Variants in LCA5 observed in about 807,000 individuals in gnomAD.
LCA5 encodes lebercilin.
LCA5 carries 37 observed loss-of-function variants against 53.0 expected under a neutral mutation model. That is an observed-to-expected ratio of 0.70 (90% CI 0.54 to 0.92). LCA5 has a LOEUF of 0.92. Among genes scored for constraint, LCA5 ranks in the 40% least tolerant of loss-of-function variants. The pLI, the probability that LCA5 is intolerant of heterozygous loss-of-function variation, is 0.00. For missense variants in LCA5, 806 were observed against 790.5 expected, an observed-to-expected ratio of 1.02 and a Z score of -0.23; for synonymous variants, 303 against 282.9, an observed-to-expected ratio of 1.07 and a Z score of -0.71.
At chr6:79,526,298 T>A (rs1388837126) in intron 1 of LCA5, among the ~76,000 whole-genome samples, 1 of 152,026 alleles carries the variant, frequency 6.6e-6, no homozygotes, top group Non-Finnish European at 1.5e-5. Flanking sequence ...AATCTCAGCA[T>A]TTTGGGAGGC....
intron 3 of LCA5, among the ~76,000 whole-genome samples, chr6:79,499,315 T>TA (rs1770068019): frequency 6.6e-6 from 1 of 152,020 alleles, no homozygotes; most frequent in Non-Finnish European, 1.5e-5. Context: ...AAAAAGCTTC[T>TA]AAAATATGTT....
chr6:79,494,839 C>T (rs552681947), intron 3 of LCA5, among the ~76,000 whole-genome samples: 7 of 152,280 alleles, frequency 4.6e-5, no homozygotes, highest in African/African-American at 1.4e-4. Flanking sequence ...TGTATTATTT[C>T]CTCAGGGTAA....
chr6:79,526,533 G>C (rs1038072486), intron 1 of LCA5, among the ~76,000 whole-genome samples: 5 of 152,120 alleles, frequency 3.3e-5, no homozygotes, highest in African/African-American at 1.2e-4. Context: ...GACAGAGCGA[G>C]ACACCGTCTC....
At chr6:79,518,547 ATATACT>A (rs1333059181) in intron 2 of LCA5, among the ~76,000 whole-genome samples, 152 bp downstream of exon 2, 98 of 152,298 alleles carry the variant, frequency 6.4e-4, no homozygotes, top group African/African-American at 2.1e-3. Flanking sequence ...CAACATTTAT[ATATACT>A]TATAAGTATA....
At chr6:79,526,351 T>C (rs1027544684) in intron 1 of LCA5, among the ~76,000 whole-genome samples, 4 of 152,114 alleles carry the variant, frequency 2.6e-5, no homozygotes, top group Non-Finnish European at 5.9e-5. Context: ...GAGACCATCC[T>C]GGCTAACACG....
chr6:79,500,127 T>C (rs1034550123), intron 3 of LCA5, among the ~76,000 whole-genome samples: 9 of 152,104 alleles, frequency 5.9e-5, no homozygotes, highest in Non-Finnish European at 1.3e-4. Flanking sequence ...TCCAAGTCTT[T>C]GCTATTGTGA....
At chr6:79,529,929 G>A (rs1766906763) in intron 1 of LCA5, among the ~76,000 whole-genome samples, 1 of 142,726 alleles carries the variant, frequency 7.0e-6, no homozygotes, top group African/African-American at 2.6e-5. Flanking sequence ...ACACAGGAAG[G>A]GGAACATCAC....
chr6:79,510,712 T>C (rs1770388736), intron 3 of LCA5, among the ~76,000 whole-genome samples: 1 of 152,074 alleles, frequency 6.6e-6, no homozygotes. Context: ...TGTATCTGGA[T>C]TATAATAAAG....
intron 3 of LCA5, among the ~76,000 whole-genome samples, chr6:79,509,056 C>A (rs1439620507): frequency 1.3e-5 from 2 of 152,088 alleles, no homozygotes; most frequent in African/African-American, 2.4e-5. Context: ...AAGTAGAGAA[C>A]AATTACCCTC....
intron 3 of LCA5, among the ~76,000 whole-genome samples, chr6:79,512,954 G>C (rs1766281917): frequency 6.6e-6 from 1 of 152,024 alleles, no homozygotes; most frequent in Admixed American, 6.6e-5. Context: ...TCCAATTTTA[G>C]AGAAACAATC....
chr6:79,529,105 C>A (rs1562114136), intron 1 of LCA5, among the ~76,000 whole-genome samples: 2 of 152,096 alleles, frequency 1.3e-5, no homozygotes, highest in African/African-American at 4.8e-5. Context: ...TTGTATTATC[C>A]CTCGTGTGAG....
At chr6:79,514,116 A>G (rs1219014372) in intron 2 of LCA5, among the ~76,000 whole-genome samples, 1 of 152,114 alleles carries the variant, frequency 6.6e-6, no homozygotes, top group African/African-American at 2.4e-5. Context: ...TGGACAAAAC[A>G]TTGTGATATT....
At chr6:79,494,636 A>G (rs1159264865) in intron 3 of LCA5, among the ~76,000 whole-genome samples, 3 of 152,194 alleles carry the variant, frequency 2.0e-5, no homozygotes. Context: ...ATATAATTTG[A>G]GACTTTGATA....
chr6:79,493,469 T>G (rs1769895332), intron 4 of LCA5, 144 bp downstream of exon 4: 2 of 797,552 alleles, frequency 2.5e-6, no homozygotes, highest in Non-Finnish European at 2.0e-6. Flanking sequence ...CAACAAACCT[T>G]TTCTAAGTGC....
chr6:79,533,177 A>T (rs1407269016), intron 1 of LCA5, among the ~76,000 whole-genome samples: 1 of 152,158 alleles, frequency 6.6e-6, no homozygotes, highest in Non-Finnish European at 1.5e-5. Context: ...GTAATTTCTG[A>T]CTAATGTAAT....
intron 4 of LCA5, among the ~76,000 whole-genome samples, chr6:79,493,230 T>C (rs1769889757): frequency 6.6e-6 from 1 of 152,148 alleles, no homozygotes; most frequent in Non-Finnish European, 1.5e-5. Flanking sequence ...CTCTAAACAC[T>C]GTGAAAATGA....
chr6:79,526,048 A>C (rs1342636322), intron 1 of LCA5, among the ~76,000 whole-genome samples: 3 of 152,200 alleles, frequency 2.0e-5, no homozygotes, highest in Non-Finnish European at 4.4e-5. Flanking sequence ...AGAGTAAACA[A>C]AAAGGTGATT....
At chr6:79,518,577 G>T in intron 2 of LCA5, 128 bp downstream of exon 2, 1 of 828,710 alleles carries the variant, frequency 1.2e-6, no homozygotes, top group South Asian at 1.4e-5. Context: ...CCTATAAAAC[G>T]TAAATCAGCC....
intron 1 of LCA5, among the ~76,000 whole-genome samples, chr6:79,536,235 C>T (rs1767114357): frequency 2.0e-5 from 3 of 151,956 alleles, no homozygotes. Context: ...TTAAAATAAC[C>T]ATGCAAAAGA....
Sources: gnomAD v4.1 joint callset for allele counts (sites outside exome capture counted in the v4.1 genomes callset) on GRCh38, gnomAD v4.1.1 for gene constraint, MANE v1.5 for transcripts, NCBI Gene and HGNC (gene_info 2026-07-23, HGNC 2026-07-21) for gene names.